The following TENT2 variants were observed in gnomAD, a reference collection of about 807,000 sequenced individuals.
TENT2 encodes the protein terminal nucleotidyltransferase 2, also known as poly(A) RNA polymerase GLD2.
In TENT2, 44 loss-of-function variants were observed where a neutral mutation model predicts 72.2. The observed-to-expected ratio is 0.61, with a 90% CI of 0.48 to 0.78. The LOEUF (loss-of-function observed/expected upper bound fraction) is 0.78. Ranked by LOEUF, TENT2 falls within the 30% of genes least tolerant of loss-of-function variation. TENT2 has a pLI of 0.00. For missense variants in TENT2, 541 were observed against 569.6 expected (o/e 0.95, Z 0.51); for synonymous variants, 212 against 192.5 (o/e 1.10, Z -0.84).
rs781668978 is a variant in TENT2, at chr5:79,649,025, C to T, written c.899-37C>T. 4.4e-6 allele frequency: 7 copies of T among 1,598,522 alleles called. 1 individual carries two copies. Among genetic ancestry groups the T allele is most frequent in the African/African-American group, 2.7e-5 (2 of 74,538 alleles). ...ATGTAAACTTTCAAAGAAACTATAACGTCTCTTACCATGTTAAGTTTTAAT... is the reference window on the plus strand; with the variant it reads ...ATGTAAACTTTCAAAGAAACTATAATGTCTCTTACCATGTTAAGTTTTAAT... On this transcript the variant is annotated intron_variant, in intron 9 of 14. Coordinates refer to ENST00000453514, the MANE Select transcript of TENT2 (RefSeq NM_001114394.3).
At chr5:79,638,825 C>G (rs1782223751) in intron 4 of TENT2, among the ~76,000 whole-genome samples, 1 of 152,082 alleles carries the variant, frequency 6.6e-6, no homozygotes, top group Admixed American at 6.6e-5. Context: ...GATTTATTCT[C>G]CTAGTTGCTC....
chr5:79,645,175 G>A lies in TENT2; in HGVS notation c.804G>A (p.Lys268=). Reference sequence around the variant, plus strand: ...TTCGAGCAAAAGTGCCAATTGTGAAGTTCAGGGATAAAGTCAGGTAAATAA... The same window carrying A: ...TTCGAGCAAAAGTGCCAATTGTGAAATTCAGGGATAAAGTCAGGTAAATAA... The part of the protein sequence containing the change: ...QLIRAKVPIV[K]FRDKVSCVEF... Residue 268 remains lysine, a synonymous_variant, in exon 8 of 15, where the codon AAG becomes AAA. Coordinates refer to ENST00000453514, the MANE Select transcript of TENT2 (RefSeq NM_001114394.3). 6.2e-7 allele frequency: 1 copy of A among 1,607,730 alleles called. No individual in the cohort carries two copies. The highest frequency in any genetic ancestry group is 2.2e-5 in the East Asian group (1 of 44,526).
Position 79,687,654 on chromosome 5 carries a change from C to T in TENT2, c.*2381C>T, listed in dbSNP as rs562695314. On this transcript the variant is annotated 3_prime_UTR_variant, in exon 15 of 15. Coordinates refer to ENST00000453514, the MANE Select transcript of TENT2 (RefSeq NM_001114394.3). ...GCAACCATTCTGCCTCCTCCCTACC[C>T]CCTCCCAAATATTTTTCATCCTGGT... 2.0e-5 allele frequency among the ~76,000 whole-genome samples: 3 copies of T among 152,276 alleles called. No individual in the cohort carries two copies. Among genetic ancestry groups the T allele is most frequent in the Non-Finnish European group, 2.9e-5 (2 of 68,014 alleles).
At chr5:79,657,356 A>T (rs1225227768) in intron 11 of TENT2, among the ~76,000 whole-genome samples, 1 of 152,088 alleles carries the variant, frequency 6.6e-6, no homozygotes, top group South Asian at 2.1e-4. Flanking sequence ...TTTAGTTAGT[A>T]ACTCAGAAAT....
intron 4 of TENT2, among the ~76,000 whole-genome samples, chr5:79,632,859 A>G (rs1374098442): frequency 1.3e-5 from 2 of 152,244 alleles, no homozygotes; most frequent in East Asian, 3.8e-4. Flanking sequence ...GAGATCAAAT[A>G]AAAACTTGTT....
chr5:79,665,698 T>C (rs538916899), intron 11 of TENT2, among the ~76,000 whole-genome samples: 91 of 152,296 alleles, frequency 6.0e-4, no homozygotes, highest in Non-Finnish European at 1.0e-4. Context: ...CTAAAAAATA[T>C]AATCTTCCCT....
At position 79,623,426 on chromosome 5, in the gene TENT2, A is replaced by C; in HGVS notation, c.402A>C (p.Pro134=). 6.2e-7 allele frequency: 1 copy of C among 1,611,742 alleles called. No individual in the cohort carries two copies. Among genetic ancestry groups the C allele is most frequent in the Non-Finnish European group, 8.5e-7 (1 of 1,178,908 alleles). The stretch of plus-strand genomic sequence containing the variant: ...TACCAGATATAGTCAGATGTGTTCC[A>C]CCTTTTCGAGAAATTGCATTTTTAG... The part of the protein sequence containing the change: ...HYVPDIVRCV[P]PFREIAFLEP... Residue 134 remains proline (P), a synonymous_variant, in exon 4 of 15, where the codon CCA becomes CCC. Coordinates refer to ENST00000453514, the MANE Select transcript of TENT2 (RefSeq NM_001114394.3).
At chr5:79,665,708 T>A (rs1807028277) in intron 11 of TENT2, among the ~76,000 whole-genome samples, 1 of 152,166 alleles carries the variant, frequency 6.6e-6, no homozygotes, top group African/African-American at 2.4e-5. Context: ...TAATCTTCCC[T>A]CTATATAGGC....
chr5:79,640,014 T>C (rs946234996), intron 4 of TENT2, among the ~76,000 whole-genome samples: 2 of 152,058 alleles, frequency 1.3e-5, no homozygotes, highest in African/African-American at 4.8e-5. Context: ...CCCAGCACTT[T>C]GGGAGGCTGA....
chr5:79,621,615 G>A (rs1196986812), intron 3 of TENT2, among the ~76,000 whole-genome samples: 1 of 151,580 alleles, frequency 6.6e-6, no homozygotes, highest in Non-Finnish European at 1.5e-5. Flanking sequence ...AAAATTAGCC[G>A]AGTGTGGTGG....
At position 79,645,199 on chromosome 5, in the gene TENT2, A is replaced by G. The variant is rs1787852195; in HGVS notation, c.821+7A>G. 1.3e-6 allele frequency: 2 copies of G among 1,600,002 alleles called. No individual in the cohort carries two copies. The highest frequency in any genetic ancestry group is 1.7e-6 in the Non-Finnish European group (2 of 1,174,108). On this transcript the variant is annotated splice_region_variant and intron_variant, in intron 8 of 14. Coordinates refer to ENST00000453514, the MANE Select transcript of TENT2 (RefSeq NM_001114394.3). ...AGTTCAGGGATAAAGTCAGGTAAAT[A>G]ATTAATGAGCTTTCTTTTTTTAGTT...
At position 79,636,704 on chromosome 5, in the gene TENT2, A is replaced by G. The variant is rs1780393887; in HGVS notation, c.466-4147A>G. On this transcript the variant is annotated intron_variant, in intron 4 of 14. Coordinates refer to ENST00000453514, the MANE Select transcript of TENT2 (RefSeq NM_001114394.3). ...AATTCTGGGAGAATTGACATCCTTGACAATAGTCTTTTGATCCATGAATGT... is the reference window on the plus strand; with the variant it reads ...AATTCTGGGAGAATTGACATCCTTGGCAATAGTCTTTTGATCCATGAATGT... 2.0e-5 allele frequency among the ~76,000 whole-genome samples: 3 copies of G among 152,226 alleles called. No individual in the cohort carries two copies. In the South Asian group the frequency reaches 6.2e-4, roughly 32 times the overall value.
chr5:79,673,603 G>C (rs1423273013), intron 12 of TENT2, among the ~76,000 whole-genome samples: 5 of 152,090 alleles, frequency 3.3e-5, no homozygotes, highest in African/African-American at 1.2e-4. Flanking sequence ...GTTCACTGTA[G>C]ATGTATGGAT....
At chr5:79,682,179 C>T (rs1210407179) in intron 14 of TENT2, 118 bp downstream of exon 14, 1 of 575,712 alleles carries the variant, frequency 1.7e-6, no homozygotes, top group African/African-American at 1.9e-5. Flanking sequence ...ATTAATATAG[C>T]ATGATAGAGA....
chr5:79,631,537 C>A (rs72635612), intron 4 of TENT2, among the ~76,000 whole-genome samples: 1 of 152,182 alleles, frequency 6.6e-6, no homozygotes, highest in East Asian at 1.9e-4. Flanking sequence ...GTAATTGAAG[C>A]CCCAGGAAGA....
intron 12 of TENT2, 68 bp from the exon 13 acceptor site, chr5:79,679,511 A>G (rs919804450): frequency 8.4e-7 from 1 of 1,192,774 alleles, no homozygotes; most frequent in African/African-American, 1.5e-5. Context: ...CTTAGTATTG[A>G]TACAATAAAA....
At chr5:79,613,598 A>G (rs1328240515) in intron 1 of TENT2, among the ~76,000 whole-genome samples, 2 of 152,138 alleles carry the variant, frequency 1.3e-5, no homozygotes, top group Admixed American at 1.3e-4. Flanking sequence ...AGTAATAGTG[A>G]CGTTACTTTG....
intron 4 of TENT2, among the ~76,000 whole-genome samples, chr5:79,637,100 G>T (rs1780731845): frequency 6.6e-6 from 1 of 152,110 alleles, no homozygotes; most frequent in Admixed American, 6.5e-5. Context: ...CAGATGTGGT[G>T]CTGCACACCT....
intron 11 of TENT2, among the ~76,000 whole-genome samples, chr5:79,660,838 A>G (rs1802298885): frequency 1.3e-5 from 2 of 152,166 alleles, no homozygotes. Flanking sequence ...ACATTGTTAT[A>G]TGAAATGACA....
Sources: allele counts gnomAD v4.1 joint callset (sites outside exome capture counted in the v4.1 genomes callset), GRCh38; gene constraint gnomAD v4.1.1; transcripts MANE v1.5; gene names NCBI Gene and HGNC (gene_info 2026-07-23, HGNC 2026-07-21).